The following WDR91 variants were observed in gnomAD, a reference collection of about 807,000 sequenced individuals.
WDR91 encodes the protein WD repeat domain 91, also known as WD repeat-containing protein 91.
A neutral mutation model predicts 88.4 loss-of-function variants in WDR91; 52 were observed. That is an observed-to-expected ratio of 0.59 (90% CI 0.47 to 0.74). The LOEUF is 0.74. Ranked by LOEUF, WDR91 falls within the 30% of genes least tolerant of loss-of-function variation. The pLI, the probability that WDR91 is intolerant of heterozygous loss-of-function variation, is 0.00. For missense variants in WDR91, 824 were observed against 954.5 expected, an observed-to-expected ratio of 0.86 and a Z score of 1.80; for synonymous variants, 362 against 389.5, an observed-to-expected ratio of 0.93 and a Z score of 0.83.
At chr7:135,193,442 C>T (rs763811591) in intron 10 of WDR91, 43 bp from the exon 11 acceptor site, 1 of 1,610,970 alleles carries the variant, frequency 6.2e-7, no homozygotes, top group East Asian at 2.2e-5. Context: ...TGCCTGCCCA[C>T]AGAGGGAGGG....
At chr7:135,195,118 G>A in intron 8 of WDR91, 34 bp from the exon 9 acceptor site, 1 of 1,598,566 alleles carries the variant, frequency 6.3e-7, no homozygotes, top group Non-Finnish European at 8.5e-7. Flanking sequence ...CTGTCAGCTG[G>A]CCTCTCAGTC....
chr7:135,207,595 G>A (rs1831844621), intron 3 of WDR91, among the ~76,000 whole-genome samples: 1 of 152,238 alleles, frequency 6.6e-6, no homozygotes. Flanking sequence ...CAGTGGCTCT[G>A]CAGTAATACA....
At chr7:135,201,695 G>A (rs1256100019) in intron 6 of WDR91, 1 of 152,336 alleles carries the variant, frequency 6.6e-6, no homozygotes, top group African/African-American at 2.4e-5. Flanking sequence ...AAGGGCTCTG[G>A]TGTGGTAGCA....
chr7:135,209,458 G>T, intron 2 of WDR91, 118 bp downstream of exon 2: 2 of 1,004,436 alleles, frequency 2.0e-6, no homozygotes, highest in Non-Finnish European at 2.8e-6. Flanking sequence ...CACTGTAACT[G>T]CTGCACTCTT....
At chr7:135,207,446 G>A in intron 3 of WDR91, 1 of 501,932 alleles carries the variant, frequency 2.0e-6, no homozygotes, top group Non-Finnish European at 3.9e-6. Flanking sequence ...TGCCTGGCCA[G>A]CCCACAGAGG....
At position 135,211,481 on chromosome 7, in the gene WDR91, T is replaced by G. The variant is rs759642179; in HGVS notation, c.22A>C (p.Thr8Pro). The change falls in exon 1 of 15, where the codon ACT (threonine) becomes CCT (proline). Residue 8 changes from threonine to proline, a missense_variant. Transcript: ENST00000354475. MAEAVER[T>P]DELVREYLLF... ...AGGTACTCCCGGACCAGCTCGTCAG[T>G]GCGCTCCACGGCCTCCGCCATCGCA... is the stretch of plus-strand genomic sequence containing the variant. 1 of 1,611,550 alleles carries G rather than the reference T, an allele frequency of 6.2e-7. No individual in the cohort carries two copies.
At position 135,196,385 on chromosome 7, in the gene WDR91, C is replaced by T; in HGVS notation, c.1051-48G>A. 1 of 1,471,892 alleles carries T rather than the reference C, an allele frequency of 6.8e-7. No individual in the cohort carries two copies. The highest frequency in any genetic ancestry group is 1.4e-5 in the South Asian group (1 of 72,094). 91.2% of individuals were successfully genotyped at this position (1,471,892 alleles called of 1,614,324 possible). ...AAGTCAGCCAGGAAAGGGTCCCCCA[C>T]ACCAGGGTGTACACCGCAGGGGGTC... On this transcript the variant is annotated intron_variant, in intron 7 of 14. Transcript: ENST00000354475. This position sits in a 1 kb window ranked among gnomAD's most constrained non-coding sequence, Gnocchi z 4.2.
Position 135,193,326 on chromosome 7 carries a change from G to C in WDR91, c.1564C>G (p.Gln522Glu). The C allele has an allele frequency of 1.2e-6, 2 of 1,614,208 alleles. No individual in the cohort carries two copies. Among genetic ancestry groups the C allele is most frequent in the East Asian group, 4.5e-5 (2 of 44,878 alleles). Residue 522 changes from glutamine (Q) to glutamate (E), a missense_variant, in exon 11 of 15, where the codon CAG becomes GAG. Transcript: ENST00000354475. Reference protein sequence around the residue: ...CSAAAPSLTSQVDFSAPDIGS... With the variant: ...CSAAAPSLTSEVDFSAPDIGS... ...ATGTCTGGTGCTGAGAAGTCCACCT[G>C]GGAAGTGAGGCTCGGAGCTGCTGCC...
intron 5 of WDR91, 66 bp from the exon 6 acceptor site, chr7:135,204,499 A>C: frequency 6.5e-7 from 1 of 1,546,558 alleles, no homozygotes; most frequent in Middle Eastern, 1.7e-4. Context: ...AAGAACATAG[A>C]CCTCCCGGGC....
chr7:135,210,460 A>AAG, intron 1 of WDR91, among the ~76,000 whole-genome samples: 1 of 152,376 alleles, frequency 6.6e-6, no homozygotes, highest in East Asian at 1.9e-4. Flanking sequence ...CACAATTCCC[A>AAG]GATCCCAAGG....
chr7:135,194,800 T>G (rs541799347), intron 9 of WDR91, 134 bp downstream of exon 9: 16 of 1,235,310 alleles, frequency 1.3e-5, no homozygotes, highest in Middle Eastern at 2.8e-4. Context: ...GTCCTGGATG[T>G]GTGTCCCTGA....
In WDR91 at chr7:135,184,215, T is replaced by C. The variant is rs1284818798; in HGVS notation, c.*1936A>G. ...ATCGGTAAATAACTATTTACTACTG[T>C]CTCTGGTGTTTTCTCATAATCAAGC... On this transcript the variant is annotated 3_prime_UTR_variant, in exon 15 of 15. Transcript: ENST00000354475. The C allele has an allele frequency of 3.3e-5, 5 of 152,158 alleles. No individual in the cohort carries two copies. In the East Asian group the frequency reaches 9.6e-4, roughly 29 times the overall value. 9.4% of individuals were successfully genotyped at this position (152,158 alleles called of 1,614,324 possible). A position where few individuals can be genotyped will look rare whatever the true frequency, so the allele number is the denominator to read the frequency against.
At chr7:135,189,532 C>T (rs1031131849) in intron 11 of WDR91, 80 bp from the exon 12 acceptor site, 6 of 1,193,894 alleles carry the variant, frequency 5.0e-6, no homozygotes, top group African/African-American at 1.5e-5. Flanking sequence ...CAGACAGGTG[C>T]CCCAGACTGG....
chr7:135,207,709 G>A (rs960047563), intron 3 of WDR91, among the ~76,000 whole-genome samples: 2 of 152,204 alleles, frequency 1.3e-5, no homozygotes, highest in African/African-American at 4.8e-5. Context: ...TGCAGATTGC[G>A]TGGCCACCCC....
At chr7:135,200,951 C>G (rs1040735163) in intron 6 of WDR91, among the ~76,000 whole-genome samples, 2 of 152,192 alleles carry the variant, frequency 1.3e-5, no homozygotes, top group Non-Finnish European at 2.9e-5. Context: ...CCAGAAAACA[C>G]GCCCTCATAA....
chr7:135,191,604 CAAAA>C (rs10717249), intron 11 of WDR91, among the ~76,000 whole-genome samples: 4 of 82,930 alleles, frequency 4.8e-5, no homozygotes, highest in African/African-American at 2.0e-4. Context: ...GACTCCATCT[CAAAA>C]AAAAAAAAAA....
At position 135,186,165 on chromosome 7, in the gene WDR91, C is replaced by T. The variant is rs771520093; in HGVS notation, c.2230G>A (p.Ala744Thr). The change falls in exon 15 of 15, where the codon GCC becomes ACC. Residue 744 changes from alanine (A) to threonine (T), a missense_variant. By Grantham distance (58) the Ala-to-Thr change is moderately conservative. Coordinates refer to ENST00000354475, the MANE Select transcript of WDR91 (RefSeq NM_014149.4). ...GGGGCAAGTCATCAGGCTTTATGGG[C>T]CAGGAGGGTGGTCAGCTTGATCTTG... ...DGKIKLTTLL[A>T]HKA 63 of 1,604,056 alleles carry T rather than the reference C, an allele frequency of 3.9e-5. No homozygotes were observed. Among genetic ancestry groups the T allele is most frequent in the Admixed American group, 6.9e-5 (4 of 57,904 alleles).
chr7:135,188,599 A>T, intron 12 of WDR91, 54 bp from the exon 13 acceptor site: 2 of 1,484,172 alleles, frequency 1.3e-6, no homozygotes, highest in African/African-American at 1.4e-5. Flanking sequence ...TGCAGAAGGA[A>T]TCTGCCTGCA....
At chr7:135,188,388 C>T (rs1554398052) in intron 13 of WDR91, 45 bp downstream of exon 13, 4 of 1,559,942 alleles carry the variant, frequency 2.6e-6, no homozygotes, top group Non-Finnish European at 3.5e-6. Context: ...AGCCGGCCCA[C>T]ATGTCATCCC....
Sources: allele counts gnomAD v4.1 joint callset (sites outside exome capture counted in the v4.1 genomes callset), GRCh38; gene constraint gnomAD v4.1.1; non-coding constraint Gnocchi (gnomAD v3.1); transcripts MANE v1.5; gene names NCBI Gene and HGNC (gene_info 2026-07-23, HGNC 2026-07-21).